TENM3: variants seen among roughly 807,000 people sequenced by gnomAD.
TENM3 encodes teneurin-3.
TENM3 carries 63 observed loss-of-function variants against 255.1 expected under a neutral mutation model. That is an observed-to-expected ratio of 0.25 (90% CI 0.20 to 0.30). TENM3 has a LOEUF of 0.30. Ranked by LOEUF, TENM3 falls within the 10% of genes least tolerant of loss-of-function variation. The pLI is 1.00. For synonymous variants in TENM3, 1,306 were observed against 1,322.3 expected (o/e 0.99, Z 0.27); for missense variants, 2,929 against 3,461.1 (o/e 0.85, Z 3.86).
At chr4:182,263,821 C>T (rs921052025) in intron 1 of TENM3, among the ~76,000 whole-genome samples, 6 of 152,168 alleles carry the variant, frequency 3.9e-5, no homozygotes, top group African/African-American at 7.2e-5. Context: ...TTAAAGATGA[C>T]GGGGCTCACC....
chr4:182,347,095 T>C (rs1310582172), intron 3 of TENM3, among the ~76,000 whole-genome samples, 166 bp downstream of exon 3: 3 of 151,948 alleles, frequency 2.0e-5, no homozygotes, highest in Non-Finnish European at 2.9e-5. Context: ...TCAAGAAATG[T>C]CCTTGAATAA....
intron 7 of TENM3, among the ~76,000 whole-genome samples, chr4:182,678,713 C>T (rs117040524): frequency 2.0e-5 from 3 of 152,248 alleles, no homozygotes; most frequent in South Asian, 2.1e-4. Context: ...GGAACCAGCA[C>T]GGAGTAAGGA....
the TENM3 span, among the ~76,000 whole-genome samples, chr4:181,901,249 A>C: frequency 6.6e-6 from 1 of 152,224 alleles, no homozygotes; most frequent in Non-Finnish European, 1.5e-5. Context: ...ACATGGCCAA[A>C]GTCACCTGGT....
At chr4:182,717,698 C>T (rs1759319456) in intron 13 of TENM3, among the ~76,000 whole-genome samples, 1 of 152,222 alleles carries the variant, frequency 6.6e-6, no homozygotes, top group Non-Finnish European at 1.5e-5. Context: ...CACGTAGACA[C>T]TTTGGGAGCA....
chr4:182,612,808 T>G (rs886286214), intron 4 of TENM3, among the ~76,000 whole-genome samples: 1 of 152,186 alleles, frequency 6.6e-6, no homozygotes, highest in African/African-American at 2.4e-5. Flanking sequence ...TAATATTTTC[T>G]TGGCACATGG....
chr4:181,853,476 C>T, the TENM3 span, among the ~76,000 whole-genome samples: 4,190 of 152,264 alleles, frequency 0.028, 74 homozygotes, highest in Middle Eastern at 0.051. Context: ...CATTTTATAA[C>T]GGCAATCTCA....
chr4:182,674,013 C>A lies in TENM3; in HGVS notation c.1326+794C>A, dbSNP rs1446400508. Among the ~76,000 whole-genome samples the A allele has an allele frequency of 2.0e-5, 3 of 152,110 alleles. No individual in the cohort carries two copies. In the East Asian group the frequency reaches 5.8e-4, roughly 29 times the overall value. On this transcript the variant is annotated intron_variant, in intron 7 of 27. Transcript: ENST00000511685. Reference sequence around the variant, plus strand: ...TAAGAGAAGTTATTTAAATTACCTACCATAAAATTGGAACTGAGACTTTCC... The same window carrying A: ...TAAGAGAAGTTATTTAAATTACCTAACATAAAATTGGAACTGAGACTTTCC...
At chr4:182,134,316 G>A in the TENM3 span, among the ~76,000 whole-genome samples, 1 of 152,140 alleles carries the variant, frequency 6.6e-6, no homozygotes, top group Non-Finnish European at 1.5e-5. Context: ...GAAGATAAAT[G>A]CAGAGCTCCA....
the TENM3 span, among the ~76,000 whole-genome samples, chr4:181,683,000 G>A: frequency 2.0e-5 from 3 of 151,486 alleles, no homozygotes; most frequent in East Asian, 5.8e-4. Flanking sequence ...GATCACTTGA[G>A]ACCAGCCTTG....
At chr4:181,664,623 A>G in the TENM3 span, among the ~76,000 whole-genome samples, 1 of 152,166 alleles carries the variant, frequency 6.6e-6, no homozygotes, top group South Asian at 2.1e-4. Context: ...CAGACTTCCA[A>G]GCTCACTGCT....
chr4:182,459,744 C>T (rs28624328), intron 3 of TENM3, among the ~76,000 whole-genome samples: 3,793 of 151,970 alleles, frequency 0.025, 166 homozygotes, highest in African/African-American at 0.087. Context: ...TATAAACACC[C>T]GATTTATTCA....
At chr4:182,673,651 AG>A (rs1755410288) in intron 7 of TENM3, among the ~76,000 whole-genome samples, 1 of 152,212 alleles carries the variant, frequency 6.6e-6, no homozygotes, top group Non-Finnish European at 1.5e-5. Flanking sequence ...TCCTCTTAGT[AG>A]AGAAATGATG....
intron 6 of TENM3, among the ~76,000 whole-genome samples, chr4:182,656,876 T>C (rs1179724656): frequency 1.3e-5 from 2 of 152,214 alleles, no homozygotes; most frequent in East Asian, 1.9e-4. Flanking sequence ...ATTTCTGTTA[T>C]ATGCCATCAT....
the TENM3 span, among the ~76,000 whole-genome samples, chr4:181,636,935 C>T: frequency 1.3e-5 from 2 of 152,178 alleles, no homozygotes; most frequent in African/African-American, 4.8e-5. Flanking sequence ...TCAGCCCCTA[C>T]CCCTCTGGTT....
chr4:181,761,737 C>G, the TENM3 span, among the ~76,000 whole-genome samples: 1 of 152,000 alleles, frequency 6.6e-6, no homozygotes, highest in South Asian at 2.1e-4. Flanking sequence ...TCGAGTATTC[C>G]TAAGTACTGG....
chr4:182,286,477 C>A (rs993824114), intron 1 of TENM3, among the ~76,000 whole-genome samples: 1 of 152,186 alleles, frequency 6.6e-6, no homozygotes, highest in South Asian at 2.1e-4. Flanking sequence ...GTTCTCACCA[C>A]AAACTGCATC....
At chr4:181,827,572 G>A in the TENM3 span, among the ~76,000 whole-genome samples, 1 of 152,154 alleles carries the variant, frequency 6.6e-6, no homozygotes, top group African/African-American at 2.4e-5. Context: ...GAATAATCCA[G>A]TTCAAGCAAT....
chr4:182,519,257 CATT>C (rs1359655364), intron 3 of TENM3, among the ~76,000 whole-genome samples: 1 of 152,090 alleles, frequency 6.6e-6, no homozygotes, highest in African/African-American at 2.4e-5. Context: ...AAGTAAACTG[CATT>C]ATTCAAATTA....
the TENM3 span, among the ~76,000 whole-genome samples, chr4:181,524,454 G>C: frequency 6.6e-6 from 1 of 152,194 alleles, no homozygotes; most frequent in African/African-American, 2.4e-5. Context: ...GCCAGCTGTG[G>C]TATATGCCCT....
Sources: allele counts gnomAD v4.1 joint callset (sites outside exome capture counted in the v4.1 genomes callset), GRCh38; gene constraint gnomAD v4.1.1; transcripts MANE v1.5; gene names NCBI Gene and HGNC (gene_info 2026-07-23, HGNC 2026-07-21).